RPS6KC1: variants seen among roughly 807,000 people sequenced by gnomAD.
RPS6KC1 encodes ribosomal protein S6 kinase C1.
Under a neutral mutation model 103.8 loss-of-function variants are expected in RPS6KC1, and 54 were observed. That is an observed-to-expected ratio of 0.52 (90% CI 0.42 to 0.65). The LOEUF (loss-of-function observed/expected upper bound fraction) is 0.65. Ranked by LOEUF, RPS6KC1 falls within the 30% of genes least tolerant of loss-of-function variation. RPS6KC1 has a pLI of 0.00. For synonymous variants in RPS6KC1, 439 were observed against 438.7 expected, an observed-to-expected ratio of 1.00 and a Z score of -0.01; for missense variants, 1,151 against 1,253.8, an observed-to-expected ratio of 0.92 and a Z score of 1.24.
At chr1:213,120,779 G>A (rs1433718233) in intron 5 of RPS6KC1, among the ~76,000 whole-genome samples, 2 of 152,118 alleles carry the variant, frequency 1.3e-5, no homozygotes, top group South Asian at 2.1e-4. Flanking sequence ...TATATAGTCT[G>A]CTGTTTCAAT....
chr1:213,275,763 A>G (rs1413434169), downstream of RPS6KC1, among the ~76,000 whole-genome samples: 2 of 152,198 alleles, frequency 1.3e-5, no homozygotes, highest in Non-Finnish European at 1.5e-5. Flanking sequence ...TTTGTAATAT[A>G]CAATATGTCG....
the RPS6KC1 span, among the ~76,000 whole-genome samples, chr1:213,332,675 G>A: frequency 1.6e-4 from 25 of 152,168 alleles, no homozygotes; most frequent in African/African-American, 2.4e-4. Context: ...CAGCTGGGTC[G>A]TGGGTTCCTT....
chr1:213,813,589 C>T, the RPS6KC1 span, among the ~76,000 whole-genome samples: 1 of 152,172 alleles, frequency 6.6e-6, no homozygotes, highest in Non-Finnish European at 1.5e-5. Flanking sequence ...TGCAAATTTC[C>T]GTTTTTGTCT....
At chr1:213,157,995 T>G (rs536820680) in intron 6 of RPS6KC1, among the ~76,000 whole-genome samples, 1 of 152,338 alleles carries the variant, frequency 6.6e-6, no homozygotes, top group South Asian at 2.1e-4. Flanking sequence ...TCTCTTATGA[T>G]TACTTTTTGC....
chr1:213,228,300 C>G (rs946985802), intron 8 of RPS6KC1, among the ~76,000 whole-genome samples: 1 of 152,166 alleles, frequency 6.6e-6, no homozygotes, highest in Non-Finnish European at 1.5e-5. Context: ...ATAAGATTAT[C>G]TTACTGAAAT....
At chr1:213,384,380 G>T in the RPS6KC1 span, among the ~76,000 whole-genome samples, 2 of 152,084 alleles carry the variant, frequency 1.3e-5, no homozygotes, top group Non-Finnish European at 2.9e-5. Flanking sequence ...TGGTCTGGGA[G>T]GTCAAGGGGA....
At chr1:213,370,259 T>G in the RPS6KC1 span, among the ~76,000 whole-genome samples, 1 of 150,670 alleles carries the variant, frequency 6.6e-6, no homozygotes, top group Non-Finnish European at 1.5e-5. Context: ...TTTATTTTAT[T>G]TTATTTTATT....
chr1:213,301,745 ATTTG>A, the RPS6KC1 span, among the ~76,000 whole-genome samples: 84 of 136,990 alleles, frequency 6.1e-4, no homozygotes, highest in East Asian at 2.5e-3. Flanking sequence ...TTATTTATTT[ATTTG>A]TGAGACAGAG....
intron 14 of RPS6KC1, 149 bp downstream of exon 14, chr1:213,262,965 T>G: frequency 1.6e-6 from 1 of 622,694 alleles, no homozygotes; most frequent in Admixed American, 2.8e-5. Context: ...ACTGTATATT[T>G]TCAGGCTTTG....
At chr1:213,641,776 G>A in the RPS6KC1 span, among the ~76,000 whole-genome samples, 1 of 151,628 alleles carries the variant, frequency 6.6e-6, no homozygotes, top group African/African-American at 2.4e-5. Flanking sequence ...GTGTGTCTGA[G>A]GCAAAGTGAT....
intron 5 of RPS6KC1, among the ~76,000 whole-genome samples, chr1:213,126,068 G>A (rs1389740553): frequency 1.3e-5 from 2 of 151,990 alleles, no homozygotes; most frequent in Non-Finnish European, 2.9e-5. Context: ...CCTTTCTTTT[G>A]TGATTAGCTA....
the RPS6KC1 span, among the ~76,000 whole-genome samples, chr1:213,304,013 G>A: frequency 1.3e-5 from 2 of 151,258 alleles, no homozygotes; most frequent in Admixed American, 1.3e-4. Flanking sequence ...AGACCATCCC[G>A]GCTAAAACGG....
intron 8 of RPS6KC1, among the ~76,000 whole-genome samples, chr1:213,189,448 C>T (rs1202079714): frequency 9.7e-6 from 1 of 103,576 alleles, no homozygotes; most frequent in Non-Finnish European, 2.0e-5. Context: ...GCCTTTGTCT[C>T]AAAAAAAAAA....
the RPS6KC1 span, among the ~76,000 whole-genome samples, chr1:213,370,287 T>TTTTATTTTATTTTATTTTATTTTA: frequency 3.9e-3 from 496 of 127,610 alleles, 10 homozygotes; most frequent in African/African-American, 0.015. Context: ...ATTTTATTTT[T>TTTTATTTTATTTTATTTTATTTTA]TTTGCATGTA....
chr1:213,151,483 C>T (rs1175866028), intron 6 of RPS6KC1, among the ~76,000 whole-genome samples: 31 of 126,990 alleles, frequency 2.4e-4, no homozygotes, highest in Non-Finnish European at 3.1e-4. Flanking sequence ...CTGACCCCCC[C>T]ACCTCCCTCC....
At chr1:213,113,521 C>T (rs2083253280) in intron 4 of RPS6KC1, among the ~76,000 whole-genome samples, 1 of 150,530 alleles carries the variant, frequency 6.6e-6, no homozygotes, top group Non-Finnish European at 1.5e-5. Flanking sequence ...CCTGTTCACT[C>T]TGATGGTAGT....
At chr1:213,498,599 C>T in the RPS6KC1 span, among the ~76,000 whole-genome samples, 4 of 151,742 alleles carry the variant, frequency 2.6e-5, no homozygotes, top group South Asian at 4.2e-4. Context: ...GGACTACAGG[C>T]GCCTGCCACC....
the RPS6KC1 span, among the ~76,000 whole-genome samples, chr1:213,839,063 C>T: frequency 2.6e-5 from 4 of 152,144 alleles, no homozygotes; most frequent in Admixed American, 6.5e-5. Context: ...CTTCTTTCCA[C>T]GTGGCCTGAG....
At chr1:213,675,473 T>C in the RPS6KC1 span, among the ~76,000 whole-genome samples, 2 of 152,232 alleles carry the variant, frequency 1.3e-5, no homozygotes, top group Admixed American at 6.5e-5. Context: ...GGGTCCAGTG[T>C]TATTCTTTCG....
Sources: allele counts gnomAD v4.1 joint callset (sites outside exome capture counted in the v4.1 genomes callset), GRCh38; gene constraint gnomAD v4.1.1; transcripts MANE v1.5; gene names NCBI Gene and HGNC (gene_info 2026-07-23, HGNC 2026-07-21).